The following BLTP1 variants were observed in gnomAD, a reference collection of about 807,000 sequenced individuals.
The protein encoded by BLTP1 is bridge-like lipid transfer protein family member 1.
At chr4:122,257,628 T>C in the BLTP1 span, 1 of 799,866 alleles carries the variant, frequency 1.3e-6, no homozygotes. Context: ...ATATACCTCT[T>C]TAAAAATGTC....
chr4:122,237,177 C>T, the BLTP1 span: 1 of 985,282 alleles, frequency 1.0e-6, no homozygotes, highest in Middle Eastern at 5.2e-4. Flanking sequence ...TGTTTTTTTC[C>T]ATTAGCGGAT....
the BLTP1 span, chr4:122,346,620 C>T: frequency 4.3e-6 from 7 of 1,609,388 alleles, no homozygotes; most frequent in Non-Finnish European, 5.9e-6. Flanking sequence ...ATTTATGTAT[C>T]AGCTGTTTGT....
At chr4:122,160,119 C>A in the BLTP1 span, among the ~76,000 whole-genome samples, 1 of 152,092 alleles carries the variant, frequency 6.6e-6, no homozygotes, top group Admixed American at 6.5e-5. Flanking sequence ...TGTTAAGGAG[C>A]CTAAGTTTGT....
chr4:122,200,097 T>A, the BLTP1 span: 1 of 930,606 alleles, frequency 1.1e-6, no homozygotes, highest in Non-Finnish European at 1.3e-6. Context: ...ATTTCTTGTC[T>A]TAAACATTTT....
the BLTP1 span, chr4:122,209,120 C>T: frequency 6.4e-7 from 1 of 1,551,692 alleles, no homozygotes; most frequent in Non-Finnish European, 8.7e-7. Context: ...TATTTATGCA[C>T]TAATTTTATT....
At chr4:122,188,988 A>G in the BLTP1 span, 3 of 984,952 alleles carry the variant, frequency 3.0e-6, no homozygotes, top group African/African-American at 1.7e-5. Context: ...TCCTGGCCTC[A>G]CTCTTCAAGA....
At chr4:122,348,890 T>C in the BLTP1 span, 4 of 549,292 alleles carry the variant, frequency 7.3e-6, no homozygotes, top group African/African-American at 7.8e-5. Context: ...TACTGCAATA[T>C]AAAACATCAT....
chr4:122,265,248 A>G, the BLTP1 span, among the ~76,000 whole-genome samples: 1 of 152,220 alleles, frequency 6.6e-6, no homozygotes. Flanking sequence ...ATATTTGCAT[A>G]CAACATACAT....
At chr4:122,270,302 C>T in the BLTP1 span, 1 of 968,060 alleles carries the variant, frequency 1.0e-6, no homozygotes, top group South Asian at 4.8e-5. Context: ...AAAAAACTCC[C>T]ATGTCTGCAC....
the BLTP1 span, among the ~76,000 whole-genome samples, chr4:122,321,979 A>ATTTTTTTTTTTTTTTTT: frequency 4.4e-4 from 12 of 27,018 alleles, 2 homozygotes; most frequent in South Asian, 1.2e-3. Flanking sequence ...ACTACATGTA[A>ATTTTTTTTTTTTTTTTT]TTTTTTTTTT....
At chr4:122,244,205 T>A in the BLTP1 span, 2 of 337,850 alleles carry the variant, frequency 5.9e-6, no homozygotes, top group Non-Finnish European at 8.4e-6. Flanking sequence ...AAAATATGCT[T>A]AAAGAGGTCT....
the BLTP1 span, chr4:122,240,334 T>C: frequency 6.2e-7 from 1 of 1,613,636 alleles, no homozygotes; most frequent in South Asian, 1.1e-5. Context: ...TTTGAACAGC[T>C]TTCTGTTCCA....
At chr4:122,168,825 C>T in the BLTP1 span, among the ~76,000 whole-genome samples, 1 of 152,008 alleles carries the variant, frequency 6.6e-6, no homozygotes, top group Admixed American at 6.6e-5. Flanking sequence ...TGTTATTGAG[C>T]TCTGTATTAT....
the BLTP1 span, chr4:122,235,770 A>C: frequency 2.6e-5 from 4 of 152,196 alleles, no homozygotes; most frequent in South Asian, 2.1e-4. Context: ...GCGCCACTGC[A>C]CTCCAGCCTG....
At chr4:122,342,910 C>T in the BLTP1 span, among the ~76,000 whole-genome samples, 2 of 152,156 alleles carry the variant, frequency 1.3e-5, no homozygotes, top group Admixed American at 6.5e-5. Flanking sequence ...TGGAATTTAC[C>T]TGTCCATCCC....
chr4:122,199,322 T>C, the BLTP1 span: 2 of 1,603,156 alleles, frequency 1.2e-6, no homozygotes, highest in Non-Finnish European at 1.7e-6. Context: ...TTTGTAATTG[T>C]TTTCCTGGTT....
the BLTP1 span, among the ~76,000 whole-genome samples, chr4:122,159,443 C>T: frequency 6.7e-6 from 1 of 148,674 alleles, no homozygotes; most frequent in African/African-American, 2.5e-5. Context: ...GCCTGGGCAA[C>T]AGAGTGAGAC....
the BLTP1 span, among the ~76,000 whole-genome samples, chr4:122,309,793 A>G: frequency 6.8e-3 from 1,035 of 152,170 alleles, 11 homozygotes; most frequent in African/African-American, 0.024. Context: ...TAAATGTGCA[A>G]TATCCAACTC....
At chr4:122,337,730 T>A in the BLTP1 span, among the ~76,000 whole-genome samples, 19 of 151,736 alleles carry the variant, frequency 1.3e-4, no homozygotes, top group African/African-American at 4.1e-4. Flanking sequence ...GTCACAATAG[T>A]ACCTTTGTTC....
Sources: gnomAD v4.1 joint callset for allele counts (sites outside exome capture counted in the v4.1 genomes callset) on GRCh38, gnomAD v4.1.1 for gene constraint, MANE v1.5 for transcripts, NCBI Gene and HGNC (gene_info 2026-07-23, HGNC 2026-07-21) for gene names.